SYNGR1: variants seen among roughly 807,000 people sequenced by gnomAD.
SYNGR1 encodes synaptogyrin-1.
SYNGR1 carries 14 observed loss-of-function variants against 26.1 expected under a neutral mutation model. That is an observed-to-expected ratio of 0.54 (90% CI 0.35 to 0.84). The LOEUF is 0.84. Among genes scored for constraint, SYNGR1 ranks in the 40% least tolerant of loss-of-function variants. The pLI is 0.01. For synonymous variants in SYNGR1, 141 were observed against 150.1 expected, an observed-to-expected ratio of 0.94 and a Z score of 0.44; for missense variants, 319 against 332.9, an observed-to-expected ratio of 0.96 and a Z score of 0.33.
At position 39,373,876 on chromosome 22, in the gene SYNGR1, G is replaced by C. The variant is rs145073202; in HGVS notation, c.100-440G>C. Among the ~76,000 whole-genome samples the C allele has an allele frequency of 7.6e-3, 1,152 of 152,350 alleles. 21 individuals are homozygous for C. The highest frequency in any genetic ancestry group is 0.026 in the African/African-American group (1,092 of 41,588). On this transcript the variant is annotated intron_variant, in intron 1 of 3. Transcript: ENST00000328933. The stretch of plus-strand genomic sequence containing the variant: ...CAGCCCACAGCTCTGCAGAGGGAAG[G>C]AGAACACAAGATGGGGCCCGGCACA...
chr22:39,356,008 A>C (rs1924126679), intron 1 of SYNGR1, among the ~76,000 whole-genome samples: 1 of 152,216 alleles, frequency 6.6e-6, no homozygotes, highest in South Asian at 2.1e-4. Flanking sequence ...TAAAAGAGTG[A>C]AACTCCATTT....
At chr22:39,373,523 C>G (rs916229923) in intron 1 of SYNGR1, among the ~76,000 whole-genome samples, 1 of 151,962 alleles carries the variant, frequency 6.6e-6, no homozygotes, top group Admixed American at 6.6e-5. Context: ...CTCTCTGTCA[C>G]CCAGGCTGGA....
chr22:39,358,378 C>G (rs1443847988), intron 1 of SYNGR1, among the ~76,000 whole-genome samples: 2 of 152,170 alleles, frequency 1.3e-5, no homozygotes, highest in East Asian at 1.9e-4. Flanking sequence ...GCAGGCTGCC[C>G]GAGCTTGCAT....
intron 1 of SYNGR1, among the ~76,000 whole-genome samples, chr22:39,373,138 T>TAG (rs112928169): frequency 1.4e-5 from 2 of 146,318 alleles, no homozygotes; most frequent in African/African-American, 5.0e-5. Context: ...TTCTATTTAA[T>TAG]ACACACACAC....
chr22:39,359,447 C>A (rs1924354106), intron 1 of SYNGR1, among the ~76,000 whole-genome samples: 1 of 139,432 alleles, frequency 7.2e-6, no homozygotes, highest in Non-Finnish European at 1.6e-5. Flanking sequence ...CAGTGAAACC[C>A]CGTCTCTACT....
At chr22:39,371,199 G>A (rs117864930) in intron 1 of SYNGR1, among the ~76,000 whole-genome samples, 2,077 of 152,214 alleles carry the variant, frequency 0.014, 30 homozygotes, top group East Asian at 0.038. Flanking sequence ...TTCTGAGGCC[G>A]GGCGTGGTGG....
chr22:39,371,765 G>A (rs1390083290), intron 1 of SYNGR1, among the ~76,000 whole-genome samples: 2 of 152,020 alleles, frequency 1.3e-5, no homozygotes, highest in African/African-American at 2.4e-5. Context: ...GATTACACAC[G>A]TGAGACACCA....
In SYNGR1 at chr22:39,382,308, G is replaced by A. The variant is rs982682481; in HGVS notation, c.*394G>A. ...CCTGGTGGTACCAGAGGCCAGAATGGTGGGAAAGACAGATCCAGATAATGC... is the reference window on the plus strand; with the variant it reads ...CCTGGTGGTACCAGAGGCCAGAATGATGGGAAAGACAGATCCAGATAATGC... On this transcript the variant is annotated 3_prime_UTR_variant, in exon 4 of 4. Coordinates refer to ENST00000328933, the MANE Select transcript of SYNGR1 (RefSeq NM_004711.5). The A allele has an allele frequency of 3.0e-6, 1 of 333,934 alleles. No individual in the cohort carries two copies. Among genetic ancestry groups the A allele is most frequent in the Non-Finnish European group, 5.8e-6 (1 of 173,192 alleles). 20.7% of individuals were successfully genotyped at this position (333,934 alleles called of 1,614,324 possible).
chr22:39,365,013 T>C (rs1924669529), intron 1 of SYNGR1, among the ~76,000 whole-genome samples: 2 of 152,240 alleles, frequency 1.3e-5, no homozygotes, highest in African/African-American at 4.8e-5. Context: ...TTTTAGCGTT[T>C]GCTTTAGCTC....
At chr22:39,356,170 G>A (rs1272646670) in intron 1 of SYNGR1, among the ~76,000 whole-genome samples, 1 of 151,832 alleles carries the variant, frequency 6.6e-6, no homozygotes, top group Non-Finnish European at 1.5e-5. Context: ...AAATTCAAGC[G>A]ATTCTCCTGC....
intron 1 of SYNGR1, among the ~76,000 whole-genome samples, chr22:39,367,726 G>A (rs1341942358): frequency 2.0e-5 from 3 of 151,804 alleles, no homozygotes; most frequent in Non-Finnish European, 2.9e-5. Context: ...GGGAGGCTGA[G>A]GCAGGAGAAA....
chr22:39,372,643 AT>A (rs1182324845), intron 1 of SYNGR1, among the ~76,000 whole-genome samples: 1 of 150,780 alleles, frequency 6.6e-6, no homozygotes, highest in Admixed American at 6.6e-5. Context: ...TACTTTTTGT[AT>A]TTTTAGTAGA....
rs754057315 is a variant in SYNGR1, at chr22:39,349,994, G to T, written c.-17G>T. On this transcript the variant is annotated 5_prime_UTR_variant, in exon 1 of 4. Coordinates refer to ENST00000328933, the MANE Select transcript of SYNGR1 (RefSeq NM_004711.5). ...CGGCGCGCGCCGAGCGGGGGGCACC[G>T]CGCGGGTGCAGCCACGATGGAAGGG... 1.1e-5 allele frequency: 13 copies of T among 1,172,026 alleles called. No individual in the cohort carries two copies. Among genetic ancestry groups the T allele is most frequent in the Admixed American group, 3.4e-5 (1 of 29,548 alleles). 72.6% of individuals were successfully genotyped at this position (1,172,026 alleles called of 1,614,324 possible).
chr22:39,359,029 A>C (rs1924326426), intron 1 of SYNGR1, among the ~76,000 whole-genome samples: 1 of 152,216 alleles, frequency 6.6e-6, no homozygotes, highest in Admixed American at 6.5e-5. Flanking sequence ...CCAGTACCTC[A>C]CAGTGCAGGG....
rs1377311274 is a variant in SYNGR1, at chr22:39,384,897, C to T, written c.*2983C>T. On this transcript the variant is annotated 3_prime_UTR_variant, in exon 4 of 4. Coordinates refer to ENST00000328933, the MANE Select transcript of SYNGR1 (RefSeq NM_004711.5). ...AGAGGGAGAGGTTCAGGAGTCAGGT[C>T]TTCTGCCTTCTGAGTTGGCTCATCC... The T allele has an allele frequency of 1.3e-5, 5 of 398,790 alleles. No homozygotes were observed. Among genetic ancestry groups the T allele is most frequent in the Non-Finnish European group, 2.2e-5 (5 of 226,146 alleles). The allele number at this position is 398,790 out of a possible 1,614,324, so 24.7% of individuals were successfully genotyped here.
intron 3 of SYNGR1, chr22:39,377,634 G>T: frequency 6.2e-7 from 1 of 1,614,042 alleles, no homozygotes; most frequent in African/African-American, 1.3e-5. Context: ...GAGATTCAAG[G>T]ACCTAAGCTT....
chr22:39,374,408 C>T lies in SYNGR1; in HGVS notation c.192C>T (p.Asn64=), dbSNP rs1421580061. 1.9e-6 allele frequency: 3 copies of T among 1,614,072 alleles called. No homozygotes were observed. The highest frequency in any genetic ancestry group is 2.5e-6 in the Non-Finnish European group (3 of 1,180,034). The change falls in exon 2 of 4, where the codon AAC becomes AAT. Residue 64 remains asparagine, a synonymous_variant. Transcript: ENST00000328933. ...EGEEFCIYNR[N]PNACSYGVAV... Reference sequence around the variant, plus strand: ...AGGAGTTCTGCATCTACAACCGCAACCCCAACGCCTGCAGCTATGGCGTGG... The same window carrying T: ...AGGAGTTCTGCATCTACAACCGCAATCCCAACGCCTGCAGCTATGGCGTGG...
intron 1 of SYNGR1, chr22:39,364,190 G>T (rs779699909): frequency 1.9e-6 from 3 of 1,612,988 alleles, no homozygotes; most frequent in South Asian, 2.2e-5. Flanking sequence ...TGCCTCCTTG[G>T]TCTCATGTTG....
At chr22:39,381,102 G>A (rs144708293) in intron 3 of SYNGR1, among the ~76,000 whole-genome samples, 8 of 152,202 alleles carry the variant, frequency 5.3e-5, no homozygotes, top group African/African-American at 9.6e-5. Flanking sequence ...GGCATGAGCC[G>A]CGGTGCATGG....
Sources: gnomAD v4.1 joint callset for allele counts (sites outside exome capture counted in the v4.1 genomes callset) on GRCh38, gnomAD v4.1.1 for gene constraint, MANE v1.5 for transcripts, NCBI Gene and HGNC (gene_info 2026-07-23, HGNC 2026-07-21) for gene names.